The following OPCML variants were observed in gnomAD, a reference collection of about 807,000 sequenced individuals.
The protein encoded by OPCML is opioid-binding protein/cell adhesion molecule.
OPCML carries 13 observed loss-of-function variants against 37.8 expected under a neutral mutation model. The observed-to-expected ratio is 0.34, with a 90% confidence interval of 0.22 to 0.55. The LOEUF (loss-of-function observed/expected upper bound fraction) is 0.55, where lower values mean the gene tolerates loss of function less well. OPCML is among the 20% of genes least tolerant of loss of function. OPCML has a pLI of 0.91. For synonymous variants in OPCML, 176 were observed against 168.8 expected, an observed-to-expected ratio of 1.04 and a Z score of -0.33; for missense variants, 341 against 435.6, an observed-to-expected ratio of 0.78 and a Z score of 1.93.
intron 1 of OPCML, among the ~76,000 whole-genome samples, chr11:133,122,904 T>C (rs1488575720): frequency 2.6e-5 from 4 of 152,226 alleles, no homozygotes; most frequent in African/African-American, 9.6e-5. Context: ...CTCCAGCTGC[T>C]TTCAGCATTA....
intron 1 of OPCML, among the ~76,000 whole-genome samples, chr11:133,454,285 T>G (rs1333959509): frequency 6.6e-6 from 1 of 152,180 alleles, no homozygotes; most frequent in Non-Finnish European, 1.5e-5. Flanking sequence ...AAAAATGTAG[T>G]GTTAACCAGA....
chr11:132,705,854 A>G (rs1283230737), intron 2 of OPCML, among the ~76,000 whole-genome samples: 1 of 152,046 alleles, frequency 6.6e-6, no homozygotes, highest in East Asian at 1.9e-4. Flanking sequence ...GTCACCCAGG[A>G]TGGAGTGCAG....
In OPCML at chr11:132,442,794, A is replaced by T. The variant is rs1360963999; in HGVS notation, c.506-5435T>A. Among the ~76,000 whole-genome samples, 3 of 152,102 alleles carry T rather than the reference A, an allele frequency of 2.0e-5. No homozygotes were observed. In the East Asian group the frequency reaches 5.8e-4, roughly 29 times the overall value. ...AGCTTCTTGCCTGCTGCCATGTAAG[A>T]TGTCCCTTGCTCTTCCACTATGACT... On this transcript the variant is annotated intron_variant, in intron 4 of 7. Coordinates refer to ENST00000524381, the MANE Select transcript of OPCML (RefSeq NM_001012393.5).
intron 3 of OPCML, among the ~76,000 whole-genome samples, chr11:132,652,694 G>A (rs983087339): frequency 1.3e-5 from 2 of 152,180 alleles, no homozygotes; most frequent in Non-Finnish European, 2.9e-5. Flanking sequence ...TAAATGCCTG[G>A]AATTTGTGTT....
intron 1 of OPCML, among the ~76,000 whole-genome samples, chr11:133,142,438 C>T (rs191407371): frequency 5.9e-5 from 9 of 152,348 alleles, no homozygotes; most frequent in Non-Finnish European, 1.5e-5. Flanking sequence ...CTGCTCAAGA[C>T]ATTGCACTGA....
intron 7 of OPCML, among the ~76,000 whole-genome samples, chr11:132,432,248 C>A (rs2136709994): frequency 6.6e-6 from 1 of 152,276 alleles, no homozygotes; most frequent in South Asian, 2.1e-4. Flanking sequence ...AAAGGAAAAG[C>A]ACTTAGTCTA....
chr11:132,488,899 C>T (rs2096207798), intron 4 of OPCML, among the ~76,000 whole-genome samples: 1 of 152,104 alleles, frequency 6.6e-6, no homozygotes, highest in South Asian at 2.1e-4. Flanking sequence ...TAGGTCAGAC[C>T]ATGCTGGTTT....
chr11:133,129,152 G>C (rs988189618), intron 1 of OPCML, among the ~76,000 whole-genome samples: 3 of 152,152 alleles, frequency 2.0e-5, no homozygotes, highest in African/African-American at 7.2e-5. Context: ...GGAGATCAAA[G>C]CAGCTGGAGT....
At chr11:132,480,094 C>A (rs1332303939) in intron 4 of OPCML, among the ~76,000 whole-genome samples, 3 of 152,028 alleles carry the variant, frequency 2.0e-5, no homozygotes, top group Non-Finnish European at 4.4e-5. Context: ...ACATTCAAAC[C>A]AAAGGCAAAG....
At chr11:132,444,886 T>C (rs1031070843) in intron 4 of OPCML, among the ~76,000 whole-genome samples, 3 of 152,234 alleles carry the variant, frequency 2.0e-5, no homozygotes, top group African/African-American at 4.8e-5. Context: ...CTTTGCTGCA[T>C]TGGAGTTAAT....
intron 2 of OPCML, among the ~76,000 whole-genome samples, chr11:132,871,613 G>T (rs1942796763): frequency 6.6e-6 from 1 of 152,188 alleles, no homozygotes; most frequent in Non-Finnish European, 1.5e-5. Flanking sequence ...GTAGTTATTG[G>T]TTATGTCCAC....
intron 2 of OPCML, among the ~76,000 whole-genome samples, chr11:132,794,405 C>T (rs896334459): frequency 3.3e-5 from 5 of 152,156 alleles, no homozygotes; most frequent in African/African-American, 9.7e-5. Context: ...TCAATCTATC[C>T]AATTGTTAGT....
intron 1 of OPCML, among the ~76,000 whole-genome samples, chr11:133,467,770 G>C (rs1565650987): frequency 6.6e-6 from 1 of 152,106 alleles, no homozygotes; most frequent in African/African-American, 2.4e-5. Flanking sequence ...TACCAATTCA[G>C]GGTGCCCAAC....
chr11:132,468,512 C>T (rs1362295199), intron 4 of OPCML, among the ~76,000 whole-genome samples: 1 of 152,152 alleles, frequency 6.6e-6, no homozygotes, highest in Non-Finnish European at 1.5e-5. Context: ...TAATACCTAA[C>T]ACTTGTAATT....
intron 1 of OPCML, among the ~76,000 whole-genome samples, chr11:133,425,700 G>A (rs1042709110): frequency 6.6e-6 from 1 of 152,148 alleles, no homozygotes. Context: ...AGCACCTCAA[G>A]ACAGTAGGTG....
At chr11:132,570,820 G>GAGAGAGAGAGAGAGAGAGAGAGA (rs1245612388) in intron 3 of OPCML, among the ~76,000 whole-genome samples, 9 of 123,708 alleles carry the variant, frequency 7.3e-5, no homozygotes, top group African/African-American at 2.5e-4. Context: ...GAGAGAGAGA[G>GAGAGAGAGAGAGAGAGAGAGAGA]GATATATACT....
At chr11:133,382,787 G>A (rs980020244) in intron 1 of OPCML, among the ~76,000 whole-genome samples, 1 of 152,100 alleles carries the variant, frequency 6.6e-6, no homozygotes, top group East Asian at 1.9e-4. Flanking sequence ...CACCCAGCCC[G>A]ACAAAGGAGA....
chr11:133,324,716 T>A (rs1592201907), intron 1 of OPCML, among the ~76,000 whole-genome samples: 1 of 152,262 alleles, frequency 6.6e-6, no homozygotes, highest in African/African-American at 2.4e-5. Flanking sequence ...AGGCACAAAT[T>A]TGAAAGAGGC....
chr11:133,327,366 C>A (rs74479475), intron 1 of OPCML, among the ~76,000 whole-genome samples: 17,686 of 151,864 alleles, frequency 0.12, 1,168 homozygotes, highest in African/African-American at 0.14. Context: ...AGGATTACTG[C>A]TTGTGTTTCA....
Sources: gnomAD v4.1 joint callset for allele counts (sites outside exome capture counted in the v4.1 genomes callset) on GRCh38, gnomAD v4.1.1 for gene constraint, MANE v1.5 for transcripts, NCBI Gene and HGNC (gene_info 2026-07-23, HGNC 2026-07-21) for gene names.